MCC: variants seen among roughly 807,000 people sequenced by gnomAD.
MCC encodes colorectal mutant cancer protein.
In MCC, 90 loss-of-function variants were observed where a neutral mutation model predicts 116.2. That is an observed-to-expected ratio of 0.77 (90% CI 0.65 to 0.92). The LOEUF (loss-of-function observed/expected upper bound fraction) is 0.92, where lower values mean the gene tolerates loss of function less well. MCC is among the 40% of genes least tolerant of loss of function. The probability of loss-of-function intolerance (pLI) is 0.00; values close to 1 mark genes in which losing one functional copy is unlikely to be tolerated. For missense variants in MCC, 1,516 were observed against 1,312.2 expected (o/e 1.16, Z -2.40); for synonymous variants, 578 against 510.5 (o/e 1.13, Z -1.78).
chr5:113,163,024 C>G (rs1393314818), intron 3 of MCC, among the ~76,000 whole-genome samples: 1 of 152,130 alleles, frequency 6.6e-6, no homozygotes, highest in South Asian at 2.1e-4. Flanking sequence ...ATCAGCTGCT[C>G]CCTGCACCCA....
chr5:113,176,273 GC>G (rs1157799392), intron 3 of MCC, among the ~76,000 whole-genome samples: 1 of 152,168 alleles, frequency 6.6e-6, no homozygotes, highest in Non-Finnish European at 1.5e-5. Flanking sequence ...ATCAGGCCAG[GC>G]CCCTAAGGAC....
At chr5:113,436,654 C>T (rs778266164) in intron 1 of MCC, 2 of 152,222 alleles carry the variant, frequency 1.3e-5, no homozygotes, top group Non-Finnish European at 2.9e-5. Flanking sequence ...TGTGAAGAAT[C>T]CCCTTCCCTT....
intron 3 of MCC, among the ~76,000 whole-genome samples, chr5:113,247,447 C>T (rs1409495788): frequency 6.6e-6 from 1 of 152,154 alleles, no homozygotes; most frequent in East Asian, 1.9e-4. Flanking sequence ...CTACAGAATG[C>T]TTTCAATGGC....
intron 5 of MCC, among the ~76,000 whole-genome samples, chr5:113,138,946 G>A (rs558083816): frequency 1.3e-5 from 2 of 152,242 alleles, no homozygotes; most frequent in Non-Finnish European, 2.9e-5. Context: ...GGAATTGGAT[G>A]AGGCCATGAT....
chr5:113,331,727 CTG>C (rs1451361786), intron 3 of MCC, among the ~76,000 whole-genome samples: 13 of 151,444 alleles, frequency 8.6e-5, no homozygotes, highest in African/African-American at 3.2e-4. Flanking sequence ...CCTCTGCCTC[CTG>C]GGTTCAAGCG....
intron 3 of MCC, among the ~76,000 whole-genome samples, chr5:113,255,757 C>A (rs145780182): frequency 1.3e-5 from 2 of 152,278 alleles, no homozygotes; most frequent in African/African-American, 2.4e-5. Context: ...CCTGTGGTTA[C>A]GTGGGACACT....
chr5:113,218,459 G>A (rs546449491), intron 3 of MCC, among the ~76,000 whole-genome samples: 1 of 152,262 alleles, frequency 6.6e-6, no homozygotes, highest in African/African-American at 2.4e-5. Context: ...CGCTCAACCA[G>A]GAGGGCAGAA....
chr5:113,368,298 T>C (rs943984908), intron 2 of MCC, among the ~76,000 whole-genome samples: 11 of 152,240 alleles, frequency 7.2e-5, no homozygotes, highest in Non-Finnish European at 1.5e-4. Flanking sequence ...TAAAATTTCA[T>C]AATTGGTCAG....
intron 3 of MCC, among the ~76,000 whole-genome samples, chr5:113,318,889 CAG>C (rs1160349853): frequency 6.6e-6 from 1 of 152,006 alleles, no homozygotes; most frequent in African/African-American, 2.4e-5. Flanking sequence ...TTTTTTGAAA[CAG>C]GGTCTCGTTC....
intron 5 of MCC, among the ~76,000 whole-genome samples, chr5:113,134,600 G>A (rs904583739): frequency 7.1e-5 from 8 of 113,342 alleles, no homozygotes; most frequent in Non-Finnish European, 1.3e-4. Flanking sequence ...AACATTGTAG[G>A]ATTTTTTTTT....
chr5:113,118,900 G>A (rs956131989), intron 6 of MCC, among the ~76,000 whole-genome samples: 20 of 152,198 alleles, frequency 1.3e-4, no homozygotes, highest in African/African-American at 4.6e-4. Flanking sequence ...AGCTGCCCCT[G>A]CCCGGTGCAC....
chr5:113,084,872 C>T (rs11743316), intron 9 of MCC, among the ~76,000 whole-genome samples: 7,516 of 152,282 alleles, frequency 0.049, 209 homozygotes, highest in Middle Eastern at 0.11. Flanking sequence ...CTGTGAAGTA[C>T]TGGAGCACTT....
chr5:113,119,922 C>G (rs555440258), intron 6 of MCC, among the ~76,000 whole-genome samples: 178 of 152,334 alleles, frequency 1.2e-3, no homozygotes, highest in African/African-American at 4.1e-3. Context: ...GTGTGAGGAC[C>G]AGTGCAACAG....
chr5:113,190,090 G>A (rs1053071879), intron 3 of MCC, among the ~76,000 whole-genome samples: 21 of 152,198 alleles, frequency 1.4e-4, no homozygotes, highest in African/African-American at 4.8e-4. Flanking sequence ...ATCTGATTAG[G>A]TGTTAAGGTG....
chr5:113,198,978 A>T (rs889773644), intron 3 of MCC, among the ~76,000 whole-genome samples: 1 of 151,948 alleles, frequency 6.6e-6, no homozygotes, highest in Non-Finnish European at 1.5e-5. Flanking sequence ...AGGTGGGCGG[A>T]TCACCTGGGT....
chr5:113,042,801 T>C (rs1751809406), intron 17 of MCC, among the ~76,000 whole-genome samples: 1 of 151,430 alleles, frequency 6.6e-6, no homozygotes, highest in South Asian at 2.1e-4. Context: ...CATTAATAGT[T>C]TGAGAAAATA....
At chr5:113,470,682 G>T (rs1318457097) in intron 1 of MCC, among the ~76,000 whole-genome samples, 3 of 151,832 alleles carry the variant, frequency 2.0e-5, no homozygotes, top group Non-Finnish European at 4.4e-5. Flanking sequence ...TTCTCGAGGA[G>T]TATCTTTGTG....
intron 3 of MCC, among the ~76,000 whole-genome samples, chr5:113,209,536 G>A (rs968686017): frequency 1.3e-5 from 2 of 152,158 alleles, no homozygotes; most frequent in Non-Finnish European, 2.9e-5. Flanking sequence ...GATATGGGAC[G>A]ACTTTTATGG....
chr5:113,152,633 C>CCCT lies in MCC; in HGVS notation c.628-1214_628-1212dup, dbSNP rs539564716. 3.1e-3 allele frequency among the ~76,000 whole-genome samples: 478 copies of CCCT among 152,278 alleles called. 1 individual carries two copies. Among genetic ancestry groups the CCCT allele is most frequent in the Non-Finnish European group, 5.1e-3 (347 of 68,022 alleles). ...GAAAAATGTGCTTTTCTGCAACCTGCCCTCCACACACAGCATGTTGGCTGG... is the reference window on the plus strand; with the variant it reads ...GAAAAATGTGCTTTTCTGCAACCTGCCCTCCTCCACACACAGCATGTTGGCTGG... On this transcript the variant is annotated intron_variant, in intron 3 of 18. Transcript: ENST00000408903.
Sources: allele counts gnomAD v4.1 joint callset (sites outside exome capture counted in the v4.1 genomes callset), GRCh38; gene constraint gnomAD v4.1.1; transcripts MANE v1.5; gene names NCBI Gene and HGNC (gene_info 2026-07-23, HGNC 2026-07-21).